Variants in TBC1D5 observed in about 807,000 individuals in gnomAD.
TBC1D5 encodes the protein TBC1 domain family, member 5.
TBC1D5 carries 75 observed loss-of-function variants against 100.3 expected under a neutral mutation model. The observed-to-expected ratio is 0.75, with a 90% CI of 0.62 to 0.91. The LOEUF is 0.91. TBC1D5 is among the 40% of genes least tolerant of loss of function. The pLI, the probability that TBC1D5 is intolerant of heterozygous loss-of-function variation, is 0.00. For synonymous variants in TBC1D5, 323 were observed against 325.6 expected, an observed-to-expected ratio of 0.99 and a Z score of 0.09; for missense variants, 910 against 942.4, an observed-to-expected ratio of 0.97 and a Z score of 0.45.
chr3:17,375,393 C>T (rs958850498), intron 10 of TBC1D5, among the ~76,000 whole-genome samples: 2 of 151,830 alleles, frequency 1.3e-5, no homozygotes, highest in South Asian at 4.2e-4. Flanking sequence ...ATGGTGAAAC[C>T]CCATCTCTAC....
At chr3:17,431,088 G>T (rs2094440152) in intron 3 of TBC1D5, among the ~76,000 whole-genome samples, 1 of 151,780 alleles carries the variant, frequency 6.6e-6, no homozygotes, top group Admixed American at 6.6e-5. Flanking sequence ...ATTTTATAAG[G>T]GATTAAAGTA....
chr3:17,536,098 T>A (rs2096279016), intron 2 of TBC1D5, among the ~76,000 whole-genome samples: 1 of 152,170 alleles, frequency 6.6e-6, no homozygotes, highest in South Asian at 2.1e-4. Context: ...AATGCATGCA[T>A]CAAGAAGTTT....
chr3:17,266,385 T>A (rs1438388606), intron 15 of TBC1D5, among the ~76,000 whole-genome samples: 2 of 152,216 alleles, frequency 1.3e-5, no homozygotes, highest in Non-Finnish European at 2.9e-5. Context: ...ACCTAGACTT[T>A]GTATCTTATT....
At chr3:17,655,343 T>C (rs2065959263) in intron 1 of TBC1D5, among the ~76,000 whole-genome samples, 1 of 149,436 alleles carries the variant, frequency 6.7e-6, no homozygotes, top group Non-Finnish European at 1.5e-5. Context: ...CTTTAGGAGA[T>C]ATACCTAATG....
intron 2 of TBC1D5, among the ~76,000 whole-genome samples, chr3:17,531,471 T>C (rs1238199429): frequency 2.0e-5 from 3 of 152,118 alleles, no homozygotes; most frequent in African/African-American, 4.8e-5. Flanking sequence ...CTTCACAGAA[T>C]TGGAAAAAAC....
chr3:17,556,073 G>A (rs1304386209), intron 2 of TBC1D5, among the ~76,000 whole-genome samples: 1 of 151,926 alleles, frequency 6.6e-6, no homozygotes, highest in Non-Finnish European at 1.5e-5. Context: ...CCCAGGCAGT[G>A]GCGCAATCTC....
chr3:17,417,335 TC>T (rs1274221964), intron 4 of TBC1D5, among the ~76,000 whole-genome samples: 5 of 128,272 alleles, frequency 3.9e-5, no homozygotes, highest in South Asian at 5.8e-4. Context: ...ATGCTATCCC[TC>T]CCCCCTCCCC....
At chr3:17,651,370 C>G (rs2065536366) in intron 1 of TBC1D5, among the ~76,000 whole-genome samples, 1 of 152,158 alleles carries the variant, frequency 6.6e-6, no homozygotes, top group African/African-American at 2.4e-5. Context: ...ATGTATCTAA[C>G]ATAAGTTACA....
intron 1 of TBC1D5, among the ~76,000 whole-genome samples, chr3:17,733,650 T>C (rs1428016095): frequency 6.6e-6 from 1 of 152,106 alleles, no homozygotes; most frequent in African/African-American, 2.4e-5. Context: ...TAAAACCCTT[T>C]TGAGAGCTGA....
intron 1 of TBC1D5, among the ~76,000 whole-genome samples, chr3:17,663,658 A>G (rs1467732584): frequency 6.6e-6 from 1 of 152,164 alleles, no homozygotes; most frequent in Non-Finnish European, 1.5e-5. Context: ...GAGACTTGTA[A>G]TTACCCTTCT....
chr3:17,291,795 C>T, intron 15 of TBC1D5, 100 bp downstream of exon 15: 2 of 1,109,088 alleles, frequency 1.8e-6, no homozygotes, highest in Non-Finnish European at 1.3e-6. Flanking sequence ...AATTCATCTA[C>T]CATTAGGCAA....
intron 1 of TBC1D5, among the ~76,000 whole-genome samples, chr3:17,652,674 T>G (rs1334899088): frequency 6.6e-6 from 1 of 152,224 alleles, no homozygotes; most frequent in Non-Finnish European, 1.5e-5. Context: ...CTTCAGGTTT[T>G]AAAACATAAC....
intron 2 of TBC1D5, among the ~76,000 whole-genome samples, chr3:17,600,219 T>C (rs1404743213): frequency 2.6e-5 from 1 of 39,034 alleles, no homozygotes; most frequent in Non-Finnish European, 5.3e-5. Flanking sequence ...TATAATATGT[T>C]ATGTTATGTT....
intron 16 of TBC1D5, among the ~76,000 whole-genome samples, chr3:17,251,432 C>G (rs940926682): frequency 2.8e-5 from 4 of 143,684 alleles, no homozygotes; most frequent in Admixed American, 6.9e-5. Context: ...GGAACCCCCC[C>G]CCCCCCAGTA....
intron 13 of TBC1D5, among the ~76,000 whole-genome samples, chr3:17,328,312 A>T (rs758541909): frequency 6.6e-6 from 1 of 151,708 alleles, no homozygotes; most frequent in Non-Finnish European, 1.5e-5. Context: ...TGTCTTTGTC[A>T]GCACACACTA....
chr3:17,343,386 T>C (rs1013780375), intron 13 of TBC1D5, among the ~76,000 whole-genome samples: 11 of 152,106 alleles, frequency 7.2e-5, no homozygotes, highest in African/African-American at 2.7e-4. Flanking sequence ...TTATTGAGGA[T>C]TTTCGCATCA....
intron 1 of TBC1D5, among the ~76,000 whole-genome samples, chr3:17,729,938 A>C (rs2076421688): frequency 6.6e-6 from 1 of 151,722 alleles, no homozygotes; most frequent in South Asian, 2.1e-4. Context: ...GTGAAACCCT[A>C]TCTCTACTAA....
At chr3:17,581,528 A>T (rs1490217900) in intron 2 of TBC1D5, among the ~76,000 whole-genome samples, 1 of 152,130 alleles carries the variant, frequency 6.6e-6, no homozygotes, top group Non-Finnish European at 1.5e-5. Context: ...TTCTTCATTA[A>T]ATGAAGCTCT....
At chr3:17,186,197 T>A (rs2069043734) in intron 18 of TBC1D5, among the ~76,000 whole-genome samples, 1 of 152,040 alleles carries the variant, frequency 6.6e-6, no homozygotes, top group African/African-American at 2.4e-5. Flanking sequence ...GAATCCTCTG[T>A]ATCACTAAAA....
Sources: gnomAD v4.1 joint callset for allele counts (sites outside exome capture counted in the v4.1 genomes callset) on GRCh38, gnomAD v4.1.1 for gene constraint, MANE v1.5 for transcripts, NCBI Gene and HGNC (gene_info 2026-07-23, HGNC 2026-07-21) for gene names.